Variants in MARCHF1 observed in about 807,000 individuals in gnomAD.
The protein encoded by MARCHF1 is membrane associated ring-CH-type finger 1, also known as E3 ubiquitin-protein ligase MARCHF1.
A neutral mutation model predicts 54.2 loss-of-function variants in MARCHF1; 40 were observed. The ratio of observed to expected loss-of-function variants is 0.74; its 90% CI spans 0.57 to 0.96. The LOEUF (loss-of-function observed/expected upper bound fraction) is 0.96, where lower values mean the gene tolerates loss of function less well. Among genes scored for constraint, MARCHF1 ranks in the 40% least tolerant of loss-of-function variants. The pLI is 0.00. For synonymous variants in MARCHF1, 236 were observed against 236.3 expected, an observed-to-expected ratio of 1.00 and a Z score of 0.01; for missense variants, 586 against 656.5, an observed-to-expected ratio of 0.89 and a Z score of 1.17.
intron 7 of MARCHF1, among the ~76,000 whole-genome samples, chr4:163,599,101 A>T (rs2110878381): frequency 6.6e-6 from 1 of 152,110 alleles, no homozygotes; most frequent in Non-Finnish European, 1.5e-5. Context: ...CAGCCTGGCC[A>T]ACATGACGAA....
chr4:163,846,442 C>T (rs1749487068), intron 4 of MARCHF1, among the ~76,000 whole-genome samples: 1 of 152,064 alleles, frequency 6.6e-6, no homozygotes, highest in African/African-American at 2.4e-5. Context: ...TGTATGATTT[C>T]CTTTAACCTT....
chr4:163,591,450 G>C lies in MARCHF1; in HGVS notation c.1011-5521C>G, dbSNP rs920350997. Among the ~76,000 whole-genome samples, 6 of 152,150 alleles carry C rather than the reference G, an allele frequency of 3.9e-5. No individual in the cohort carries two copies. In the South Asian group the frequency reaches 1.2e-3, roughly 32 times the overall value. On this transcript the variant is annotated intron_variant, in intron 7 of 9. Transcript: ENST00000514618. ...ATACCACACAGATACAGTCTCTGCTGTTTGTTAACTGTTTCATTTACACAA... is the reference window on the plus strand; with the variant it reads ...ATACCACACAGATACAGTCTCTGCTCTTTGTTAACTGTTTCATTTACACAA...
At chr4:164,109,363 C>T (rs1393551490) in intron 2 of MARCHF1, among the ~76,000 whole-genome samples, 2 of 151,300 alleles carry the variant, frequency 1.3e-5, no homozygotes, top group African/African-American at 4.9e-5. Context: ...TAAAAACTCT[C>T]ACAGCTTGAA....
At chr4:163,824,103 G>T (rs1244456796) in intron 4 of MARCHF1, among the ~76,000 whole-genome samples, 1 of 151,826 alleles carries the variant, frequency 6.6e-6, no homozygotes, top group African/African-American at 2.4e-5. Context: ...ATATAAAAAT[G>T]ATCAACTTAG....
intron 3 of MARCHF1, among the ~76,000 whole-genome samples, chr4:163,907,259 A>T (rs1462674580): frequency 6.6e-6 from 1 of 152,116 alleles, no homozygotes; most frequent in Non-Finnish European, 1.5e-5. Flanking sequence ...AACAAAACAG[A>T]CTGCAAATGA....
At chr4:163,816,948 T>C (rs985435737) in intron 4 of MARCHF1, among the ~76,000 whole-genome samples, 1 of 151,874 alleles carries the variant, frequency 6.6e-6, no homozygotes, top group Non-Finnish European at 1.5e-5. Flanking sequence ...ATGAGGAAAA[T>C]GAGGTTCAAC....
intron 4 of MARCHF1, among the ~76,000 whole-genome samples, chr4:163,827,655 C>T (rs916435064): frequency 5.9e-5 from 9 of 152,068 alleles, no homozygotes; most frequent in African/African-American, 2.2e-4. Flanking sequence ...CAGAAAAAGT[C>T]CTTTCCACTT....
intron 1 of MARCHF1, among the ~76,000 whole-genome samples, chr4:164,237,158 C>T (rs1732585022): frequency 6.6e-6 from 1 of 152,238 alleles, no homozygotes; most frequent in South Asian, 2.1e-4. Context: ...TCTTTGAATA[C>T]ATCATTTACA....
At chr4:163,970,475 G>A (rs984937816) in intron 3 of MARCHF1, among the ~76,000 whole-genome samples, 2 of 152,142 alleles carry the variant, frequency 1.3e-5, no homozygotes, top group Non-Finnish European at 1.5e-5. Context: ...ATACATGGAC[G>A]GATGGGTGGA....
chr4:163,919,685 C>A (rs1397471339), intron 3 of MARCHF1, among the ~76,000 whole-genome samples: 1 of 151,988 alleles, frequency 6.6e-6, no homozygotes, highest in Non-Finnish European at 1.5e-5. Flanking sequence ...AATAGGAGTA[C>A]AAACTCTGTT....
intron 3 of MARCHF1, among the ~76,000 whole-genome samples, chr4:163,911,249 T>C (rs981554847): frequency 3.9e-5 from 6 of 152,306 alleles, no homozygotes; most frequent in South Asian, 2.1e-4. Flanking sequence ...AGTAATTTGA[T>C]TGGTGGGTTT....
chr4:164,351,790 G>T (rs1044717509), intron 1 of MARCHF1, among the ~76,000 whole-genome samples: 7 of 152,054 alleles, frequency 4.6e-5, no homozygotes, highest in Non-Finnish European at 8.8e-5. Context: ...AGAGAAGAAG[G>T]CTTCAGACGA....
At chr4:163,574,579 C>G (rs1027844073) in intron 8 of MARCHF1, among the ~76,000 whole-genome samples, 24 of 144,798 alleles carry the variant, frequency 1.7e-4, no homozygotes, top group Non-Finnish European at 3.0e-4. Flanking sequence ...GGAATCCTTT[C>G]CCCATTGCTT....
intron 3 of MARCHF1, among the ~76,000 whole-genome samples, chr4:163,855,604 A>G (rs1874092): frequency 0.55 from 83,548 of 151,996 alleles, 23,355 homozygotes; most frequent in East Asian, 0.85. Flanking sequence ...AATGACCAAA[A>G]CAGTTTAATC....
At chr4:164,004,116 C>T (rs1003919013) in intron 2 of MARCHF1, among the ~76,000 whole-genome samples, 5 of 151,962 alleles carry the variant, frequency 3.3e-5, no homozygotes, top group African/African-American at 9.7e-5. Flanking sequence ...AGGGGAACAA[C>T]ACACACTGGG....
intron 3 of MARCHF1, among the ~76,000 whole-genome samples, chr4:163,909,546 A>G (rs1032844895): frequency 1.3e-5 from 2 of 152,210 alleles, no homozygotes; most frequent in Non-Finnish European, 2.9e-5. Context: ...TCAATAGTCG[A>G]GTGGGAGGAG....
intron 3 of MARCHF1, among the ~76,000 whole-genome samples, chr4:163,934,812 G>C (rs1751759554): frequency 6.6e-6 from 1 of 151,922 alleles, no homozygotes; most frequent in South Asian, 2.1e-4. Flanking sequence ...TGACCGAACT[G>C]AAGTTGACTA....
At chr4:163,928,614 T>C (rs1560823012) in intron 3 of MARCHF1, among the ~76,000 whole-genome samples, 1 of 151,962 alleles carries the variant, frequency 6.6e-6, no homozygotes. Context: ...GATTGAAAAG[T>C]CTGGATAGAA....
chr4:164,004,002 G>A (rs1753236201), intron 2 of MARCHF1, among the ~76,000 whole-genome samples: 3 of 152,056 alleles, frequency 2.0e-5, no homozygotes, highest in African/African-American at 7.2e-5. Flanking sequence ...GGATGGAGCT[G>A]GAAGCCATTA....
Sources: gnomAD v4.1 joint callset for allele counts (sites outside exome capture counted in the v4.1 genomes callset) on GRCh38, gnomAD v4.1.1 for gene constraint, MANE v1.5 for transcripts, NCBI Gene and HGNC (gene_info 2026-07-23, HGNC 2026-07-21) for gene names.